TASP1: variants seen among roughly 807,000 people sequenced by gnomAD.
The protein encoded by TASP1 is taspase 1, also known as threonine aspartase 1.
A neutral mutation model predicts 56.6 loss-of-function variants in TASP1; 16 were observed. The ratio of observed to expected loss-of-function variants is 0.28; its 90% CI spans 0.19 to 0.43. TASP1 has a LOEUF of 0.43. Among genes scored for constraint, TASP1 ranks in the 20% least tolerant of loss-of-function variants. The pLI is 1.00. For synonymous variants in TASP1, 179 were observed against 184.2 expected (o/e 0.97, Z 0.23); for missense variants, 393 against 511.6 (o/e 0.77, Z 2.24).
the TASP1 span, among the ~76,000 whole-genome samples, chr20:13,289,669 AGGAGGGGGAGG>A: frequency 1.0e-5 from 1 of 96,484 alleles, no homozygotes; most frequent in African/African-American, 4.1e-5. Flanking sequence ...AAGGAGGAGG[AGGAGGGGGAGG>A]AGGAGGAAGA....
At chr20:13,322,881 C>T in the TASP1 span, among the ~76,000 whole-genome samples, 3 of 152,212 alleles carry the variant, frequency 2.0e-5, no homozygotes, top group Non-Finnish European at 2.9e-5. Flanking sequence ...CCCACCCCCG[C>T]TGCCCTGACC....
chr20:13,628,400 C>G (rs931399282), intron 2 of TASP1, among the ~76,000 whole-genome samples: 2 of 152,204 alleles, frequency 1.3e-5, no homozygotes, highest in Admixed American at 1.3e-4. Flanking sequence ...GGAAAGAACA[C>G]AGACTAGGAG....
intron 10 of TASP1, among the ~76,000 whole-genome samples, chr20:13,505,582 C>T (rs752012366): frequency 6.6e-6 from 1 of 151,906 alleles, no homozygotes; most frequent in Non-Finnish European, 1.5e-5. Context: ...TTCCCAGCCA[C>T]AACAGAATTA....
At chr20:13,266,942 A>G in the TASP1 span, among the ~76,000 whole-genome samples, 3 of 152,234 alleles carry the variant, frequency 2.0e-5, no homozygotes, top group African/African-American at 4.8e-5. Flanking sequence ...GAGGATGTGC[A>G]GTAAGTCCCT....
At chr20:13,299,409 C>T in the TASP1 span, 3 of 1,611,550 alleles carry the variant, frequency 1.9e-6, no homozygotes, top group Non-Finnish European at 2.5e-6. The surrounding 1 kb of genome is among the most constrained non-coding windows in gnomAD (Gnocchi z 5.8). Flanking sequence ...CACAGAGAGC[C>T]CCTCGGACGA....
At chr20:13,370,165 C>A in the TASP1 span, among the ~76,000 whole-genome samples, 1 of 152,058 alleles carries the variant, frequency 6.6e-6, no homozygotes, top group Non-Finnish European at 1.5e-5. Flanking sequence ...TATAAAAATT[C>A]TTCAACAAGC....
chr20:13,411,131 T>C (rs558931366), intron 13 of TASP1, among the ~76,000 whole-genome samples: 75 of 152,292 alleles, frequency 4.9e-4, no homozygotes, highest in Middle Eastern at 3.4e-3. Context: ...GAAAAATCAG[T>C]TGGCTATAAA....
the TASP1 span, among the ~76,000 whole-genome samples, chr20:13,163,367 C>CAAAAA: frequency 8.9e-5 from 8 of 90,078 alleles, no homozygotes; most frequent in South Asian, 1.1e-3. Flanking sequence ...GACGCTGTCT[C>CAAAAA]AAAAAAAAAA....
chr20:13,600,657 A>G (rs989939534), intron 4 of TASP1: 3 of 152,216 alleles, frequency 2.0e-5, no homozygotes, highest in Non-Finnish European at 4.4e-5. Flanking sequence ...GTGACCTTAC[A>G]TTAGGCAAGT....
At chr20:13,635,841 G>A (rs546186098) in intron 1 of TASP1, among the ~76,000 whole-genome samples, 11 of 152,254 alleles carry the variant, frequency 7.2e-5, no homozygotes, top group East Asian at 1.9e-4. Context: ...ACCAAAACAC[G>A]CTCTGCAGGG....
chr20:13,574,965 T>TA (rs766543495), intron 6 of TASP1, among the ~76,000 whole-genome samples: 3 of 152,090 alleles, frequency 2.0e-5, no homozygotes, highest in Non-Finnish European at 4.4e-5. Flanking sequence ...TGATGAAATA[T>TA]ATATCCCCAC....
the TASP1 span, among the ~76,000 whole-genome samples, chr20:13,184,073 A>AGT: frequency 7.9e-5 from 12 of 151,802 alleles, no homozygotes; most frequent in African/African-American, 2.7e-4. Context: ...ATAGTGTGGT[A>AGT]GTGTGGTACT....
the TASP1 span, among the ~76,000 whole-genome samples, chr20:13,209,926 A>G: frequency 6.6e-6 from 1 of 152,240 alleles, no homozygotes; most frequent in Admixed American, 6.5e-5. Context: ...ACTTTTACAT[A>G]CATGCACAAG....
chr20:13,333,196 G>A, the TASP1 span, among the ~76,000 whole-genome samples: 3 of 152,198 alleles, frequency 2.0e-5, no homozygotes, highest in African/African-American at 4.8e-5. Context: ...TGGCATGTAC[G>A]TGGAGAAAGT....
At chr20:13,135,036 A>C in the TASP1 span, among the ~76,000 whole-genome samples, 20 of 152,186 alleles carry the variant, frequency 1.3e-4, no homozygotes, top group African/African-American at 4.6e-4. Flanking sequence ...TAACTTTTTG[A>C]AGTATGTAAA....
chr20:13,446,917 T>A (rs1190766117), intron 11 of TASP1, among the ~76,000 whole-genome samples: 1 of 152,170 alleles, frequency 6.6e-6, no homozygotes, highest in Non-Finnish European at 1.5e-5. Flanking sequence ...TTATCACTTC[T>A]TTATTTAGTA....
chr20:13,118,609 A>G, the TASP1 span, among the ~76,000 whole-genome samples: 1 of 152,216 alleles, frequency 6.6e-6, no homozygotes, highest in African/African-American at 2.4e-5. Context: ...TCTGACACCT[A>G]TCTCAGACAA....
At position 13,588,242 on chromosome 20, in the gene TASP1, AAAGGAAGAAAGG is replaced by A. The variant is rs1157636667; in HGVS notation, c.283-884_283-873del. Among the ~76,000 whole-genome samples the A allele has an allele frequency of 6.4e-3, 837 of 130,836 alleles. 8 individuals carry two copies. The highest frequency in any genetic ancestry group is 0.023 in the African/African-American group (779 of 33,814). The allele number at this position is 130,836 out of a possible 152,430, so 85.8% of individuals were successfully genotyped here. ...AATTAGACAAAAAGGAGAAAGAAAG[AAAGGAAGAAAGG>A]AAGGAAGGAAGGAAGGAAGGAAGGA... On this transcript the variant is annotated intron_variant, in intron 4 of 13. Coordinates refer to ENST00000337743, the MANE Select transcript of TASP1 (RefSeq NM_017714.3).
At chr20:13,350,316 A>G in the TASP1 span, among the ~76,000 whole-genome samples, 1 of 152,228 alleles carries the variant, frequency 6.6e-6, no homozygotes, top group Non-Finnish European at 1.5e-5. Flanking sequence ...TTCCCACAAG[A>G]TGATTTAAGG....
Sources: allele counts gnomAD v4.1 joint callset (sites outside exome capture counted in the v4.1 genomes callset), GRCh38; gene constraint gnomAD v4.1.1; non-coding constraint Gnocchi (gnomAD v3.1); transcripts MANE v1.5; gene names NCBI Gene and HGNC (gene_info 2026-07-23, HGNC 2026-07-21).